AFAP1L2: variants seen among roughly 807,000 people sequenced by gnomAD.
AFAP1L2 encodes actin filament-associated protein 1-like 2.
A neutral mutation model predicts 99.3 loss-of-function variants in AFAP1L2; 46 were observed. The observed-to-expected ratio is 0.46, with a 90% CI of 0.37 to 0.59. The LOEUF is 0.59. AFAP1L2 is among the 20% of genes least tolerant of loss of function. The pLI is 0.00. For missense variants in AFAP1L2, 959 were observed against 1,034.9 expected, an observed-to-expected ratio of 0.93 and a Z score of 1.01; for synonymous variants, 397 against 419.1, an observed-to-expected ratio of 0.95 and a Z score of 0.64.
intron 5 of AFAP1L2, 44 bp downstream of exon 5, chr10:114,323,127 G>A (rs758160162): frequency 6.6e-7 from 1 of 1,516,188 alleles, no homozygotes; most frequent in South Asian, 1.2e-5. Context: ...ATCTGTGCAG[G>A]AAGCAGTAAG....
At chr10:114,373,445 C>A (rs1402046770) in intron 1 of AFAP1L2, among the ~76,000 whole-genome samples, 1 of 151,882 alleles carries the variant, frequency 6.6e-6, no homozygotes, top group African/African-American at 2.4e-5. Flanking sequence ...GGCAAAAAGG[C>A]GAAACCCTGT....
the AFAP1L2 span, among the ~76,000 whole-genome samples, chr10:114,287,254 C>T: frequency 6.6e-6 from 1 of 152,202 alleles, no homozygotes; most frequent in Non-Finnish European, 1.5e-5. Flanking sequence ...GATCATAGCT[C>T]ACTGCAGCCT....
chr10:114,398,353 T>A (rs1284701954), intron 1 of AFAP1L2, among the ~76,000 whole-genome samples: 1 of 152,226 alleles, frequency 6.6e-6, no homozygotes, highest in Non-Finnish European at 1.5e-5. Context: ...ACAGATGCTA[T>A]CTCTGAGAAG....
intron 1 of AFAP1L2, among the ~76,000 whole-genome samples, chr10:114,354,087 C>T (rs534065354): frequency 3.9e-5 from 6 of 152,244 alleles, no homozygotes; most frequent in South Asian, 4.2e-4. Flanking sequence ...CCGGAACCTT[C>T]GCGCCTGAGT....
chr10:114,391,946 C>T (rs1231253863), intron 1 of AFAP1L2, among the ~76,000 whole-genome samples: 2 of 152,178 alleles, frequency 1.3e-5, no homozygotes, highest in African/African-American at 4.8e-5. Context: ...GAACAGCACA[C>T]CTCCTTACTC....
In AFAP1L2 at chr10:114,310,436, T is replaced by C. The variant is rs766975723; in HGVS notation, c.800A>G (p.Gln267Arg). 6.2e-7 allele frequency: 1 copy of C among 1,613,674 alleles called. No homozygotes were observed. Among genetic ancestry groups the C allele is most frequent in the African/African-American group, 1.3e-5 (1 of 74,898 alleles). Residue 267 changes from glutamine to arginine, a missense_variant, in exon 8 of 19, where the codon CAG (glutamine) becomes CGG (arginine). Transcript: ENST00000304129. ...TTCGGAAGGCAGGCCGCTCACTTCCTGGATGACCTGAGGCAAGAGGGAAGC... is the reference window on the plus strand; with the variant it reads ...TTCGGAAGGCAGGCCGCTCACTTCCCGGATGACCTGAGGCAAGAGGGAAGC... Reference protein sequence around the residue: ...DQAEQWLRVIQEVSGLPSEGA... With the variant: ...DQAEQWLRVIREVSGLPSEGA...
chr10:114,357,219 T>A (rs2051514284), intron 1 of AFAP1L2, among the ~76,000 whole-genome samples: 1 of 152,134 alleles, frequency 6.6e-6, no homozygotes, highest in East Asian at 1.9e-4. Context: ...TTCTGGCCAG[T>A]CTCAAAAGGA....
In AFAP1L2 at chr10:114,306,675, G is replaced by A. The variant is rs142204083; in HGVS notation, c.1072+1130C>T. On this transcript the variant is annotated intron_variant, in intron 10 of 18. Coordinates refer to ENST00000304129, the MANE Select transcript of AFAP1L2 (RefSeq NM_001001936.3). ...ATCCTCTGGACCACAGAGAACTTTG[G>A]ATCATGAGAGGTGGGATCTCAGATC... Among the ~76,000 whole-genome samples, 8 of 152,106 alleles carry A rather than the reference G, an allele frequency of 5.3e-5. No homozygotes were observed. The East Asian group carries it at 9.7e-4, about 18-fold the overall frequency.
Position 114,313,702 on chromosome 10 carries a change from C to T in AFAP1L2, c.792+169G>A, listed in dbSNP as rs559396463. Among the ~76,000 whole-genome samples the T allele has an allele frequency of 7.2e-5, 11 of 152,306 alleles. No individual in the cohort carries two copies. The East Asian group carries it at 1.2e-3, about 16-fold the overall frequency. Reference sequence around the variant, plus strand: ...TGGGGATTCAGAACTGGCAGCAGCACGCTGTAACCCATTTGCAGAAGACAG... The same window carrying T: ...TGGGGATTCAGAACTGGCAGCAGCATGCTGTAACCCATTTGCAGAAGACAG... On this transcript the variant is annotated intron_variant, in intron 7 of 18. Transcript: ENST00000304129.
chr10:114,310,585 C>T (rs1468765284), intron 7 of AFAP1L2, 142 bp from the exon 8 acceptor site: 4 of 716,990 alleles, frequency 5.6e-6, no homozygotes, highest in African/African-American at 5.4e-5. Flanking sequence ...AGAGGACCCA[C>T]CCGACCCCAG....
Position 114,294,979 on chromosome 10 carries a change from G to T in AFAP1L2, c.*1063C>A, listed in dbSNP as rs910645989. Reference sequence around the variant, plus strand: ...AACTGATACACAACCCTCCAGAAATGAGGCAGAGATAATAGATGAAATGTT... The same window carrying T: ...AACTGATACACAACCCTCCAGAAATTAGGCAGAGATAATAGATGAAATGTT... On this transcript the variant is annotated 3_prime_UTR_variant, in exon 19 of 19. Coordinates refer to ENST00000304129, the MANE Select transcript of AFAP1L2 (RefSeq NM_001001936.3). The T allele has an allele frequency of 3.4e-5, 33 of 978,210 alleles. No individual in the cohort carries two copies. The African/African-American group carries it at 4.9e-4, about 14-fold the overall frequency. 60.6% of individuals were successfully genotyped at this position (978,210 alleles called of 1,614,324 possible).
chr10:114,293,141 A>C (rs903487659), downstream of AFAP1L2, among the ~76,000 whole-genome samples: 1 of 152,252 alleles, frequency 6.6e-6, no homozygotes, highest in South Asian at 2.1e-4. Flanking sequence ...AGATATTAAA[A>C]AGTCTGGTGT....
chr10:114,308,000 T>C, intron 9 of AFAP1L2, 91 bp from the exon 10 acceptor site: 1 of 1,053,288 alleles, frequency 9.5e-7, no homozygotes, highest in South Asian at 1.3e-5. Context: ...CCATTTCCAC[T>C]CCATCCACCC....
chr10:114,291,008 G>A (rs532981997), downstream of AFAP1L2, among the ~76,000 whole-genome samples: 49 of 152,222 alleles, frequency 3.2e-4, no homozygotes, highest in Admixed American at 8.5e-4. Context: ...TCGGAGCCTT[G>A]GTTTTTTGGC....
At chr10:114,371,158 C>T (rs2054040972) in intron 1 of AFAP1L2, among the ~76,000 whole-genome samples, 1 of 152,208 alleles carries the variant, frequency 6.6e-6, no homozygotes, top group African/African-American at 2.4e-5. Flanking sequence ...GCTGGAGCTG[C>T]TCCTTCTGTC....
At chr10:114,284,430 G>A in the AFAP1L2 span, among the ~76,000 whole-genome samples, 1 of 152,194 alleles carries the variant, frequency 6.6e-6, no homozygotes, top group Non-Finnish European at 1.5e-5. Flanking sequence ...ATTCAGTCCT[G>A]AGCAGCCTGA....
chr10:114,297,487 AG>A lies in AFAP1L2; in HGVS notation c.2114-75del, dbSNP rs2040436418. On this transcript the variant is annotated intron_variant, in intron 16 of 18. Transcript: ENST00000304129. ...CCAGGGAGCCCTGCTGGGTGGAGGC[AG>A]GGTCTACATACCCCGCCACCCGAGA... 1.6e-5 allele frequency: 24 copies of A among 1,490,034 alleles called. No homozygotes were observed. In the East Asian group the frequency reaches 5.5e-4, roughly 34 times the overall value. 92.3% of individuals were successfully genotyped at this position (1,490,034 alleles called of 1,614,324 possible).
Position 114,295,275 on chromosome 10 carries a change from A to AAAAG in AFAP1L2, c.*763_*766dup, listed in dbSNP as rs2040027284. The AAAAG allele has an allele frequency of 4.1e-6, 4 of 984,932 alleles. No individual in the cohort carries two copies. In the South Asian group the frequency reaches 1.4e-4, roughly 35 times the overall value. 61.0% of individuals were successfully genotyped at this position (984,932 alleles called of 1,614,324 possible). ...TACAGTAAAGAGTCACTTTAATCTC[A>AAAAG]AAAGATACTTTTCACTGTTCTAAAT... On this transcript the variant is annotated 3_prime_UTR_variant, in exon 19 of 19. Coordinates refer to ENST00000304129, the MANE Select transcript of AFAP1L2 (RefSeq NM_001001936.3).
At chr10:114,402,530 G>A (rs1172960996) in intron 1 of AFAP1L2, among the ~76,000 whole-genome samples, 2 of 152,140 alleles carry the variant, frequency 1.3e-5, no homozygotes, top group Non-Finnish European at 2.9e-5. Context: ...TTATCACTCT[G>A]TGTCTGGTTT....
Sources: allele counts gnomAD v4.1 joint callset (sites outside exome capture counted in the v4.1 genomes callset), GRCh38; gene constraint gnomAD v4.1.1; transcripts MANE v1.5; gene names NCBI Gene and HGNC (gene_info 2026-07-23, HGNC 2026-07-21).